Variants in MRTFA observed in about 807,000 individuals in gnomAD.
The protein encoded by MRTFA is myocardin-related transcription factor A.
A neutral mutation model predicts 83.5 loss-of-function variants in MRTFA; 20 were observed. That is an observed-to-expected ratio of 0.24 (90% CI 0.17 to 0.35). MRTFA has a LOEUF of 0.35. Ranked by LOEUF, MRTFA falls within the 10% of genes least tolerant of loss-of-function variation. The pLI, the probability that MRTFA is intolerant of heterozygous loss-of-function variation, is 1.00. For missense variants in MRTFA, 1,200 were observed against 1,224.7 expected (o/e 0.98, Z 0.30); for synonymous variants, 659 against 541.2 (o/e 1.22, Z -3.02).
At chr22:40,630,965 G>A (rs752806854) in intron 1 of MRTFA, among the ~76,000 whole-genome samples, 2 of 152,186 alleles carry the variant, frequency 1.3e-5, no homozygotes, top group African/African-American at 2.4e-5. Flanking sequence ...TAGCTCTTGT[G>A]AAGCACATGC....
intron 3 of MRTFA, among the ~76,000 whole-genome samples, chr22:40,488,772 G>A (rs1269230518): frequency 6.6e-6 from 1 of 152,150 alleles, no homozygotes; most frequent in African/African-American, 2.4e-5. Context: ...CATGGAAGTT[G>A]CAGTGAGCCA....
At chr22:40,541,427 C>T (rs1202024737) in intron 3 of MRTFA, among the ~76,000 whole-genome samples, 4 of 152,176 alleles carry the variant, frequency 2.6e-5, no homozygotes, top group African/African-American at 7.2e-5. Flanking sequence ...ATGTCATGGG[C>T]TCCAACCACT....
chr22:40,430,588 G>A (rs2053047825), intron 6 of MRTFA, among the ~76,000 whole-genome samples: 1 of 151,948 alleles, frequency 6.6e-6, no homozygotes, highest in Admixed American at 6.6e-5. Flanking sequence ...GCTATGCGCA[G>A]TGGCTCACAT....
At position 40,482,610 on chromosome 22, in the gene MRTFA, G is replaced by A. The variant is rs187748352; in HGVS notation, c.242-19324C>T. ...TTAGCACTTTTAGGTAGGGCCATCTGAACACTCCCTTCCAAAGTTAAAGGC... is the reference window on the plus strand; with the variant it reads ...TTAGCACTTTTAGGTAGGGCCATCTAAACACTCCCTTCCAAAGTTAAAGGC... On this transcript the variant is annotated intron_variant, in intron 3 of 14. Transcript: ENST00000355630. Among the ~76,000 whole-genome samples the A allele has an allele frequency of 1.6e-3, 246 of 152,222 alleles. 3 individuals carry two copies. Among genetic ancestry groups the A allele is most frequent in the South Asian group, 0.012 (58 of 4,822 alleles).
At chr22:40,595,165 G>A (rs1350897336) in intron 1 of MRTFA, among the ~76,000 whole-genome samples, 1 of 148,212 alleles carries the variant, frequency 6.7e-6, no homozygotes, top group Non-Finnish European at 1.5e-5. Flanking sequence ...CTGTCGCCGG[G>A]CTGGAATGCA....
chr22:40,565,323 G>A (rs976061834), intron 2 of MRTFA, among the ~76,000 whole-genome samples: 35 of 152,262 alleles, frequency 2.3e-4, no homozygotes, highest in African/African-American at 8.4e-4. Flanking sequence ...AAGGCGGGAG[G>A]ACCACTTGAG....
intron 3 of MRTFA, among the ~76,000 whole-genome samples, chr22:40,534,410 T>C (rs557606824): frequency 2.6e-5 from 4 of 152,244 alleles, no homozygotes; most frequent in Non-Finnish European, 5.9e-5. Flanking sequence ...ATATTAGACA[T>C]ACGGTCTGTG....
chr22:40,470,770 G>A (rs1205493604), intron 3 of MRTFA, among the ~76,000 whole-genome samples: 1 of 149,766 alleles, frequency 6.7e-6, no homozygotes, highest in Non-Finnish European at 1.5e-5. Context: ...CCAATATGGT[G>A]AAACCCTGTC....
chr22:40,587,958 C>A, intron 2 of MRTFA: 1 of 357,572 alleles, frequency 2.8e-6, no homozygotes. Context: ...GATGACTCCC[C>A]TTTTTCAGAG....
intron 2 of MRTFA, among the ~76,000 whole-genome samples, chr22:40,591,272 G>A (rs776025621): frequency 1.2e-4 from 18 of 145,766 alleles, no homozygotes; most frequent in Admixed American, 3.4e-4. Flanking sequence ...GCGAGACTCC[G>A]TCTCAAAAAA....
rs571458501 is a variant in MRTFA at position 40,590,106 on chromosome 22, C to T, written c.-22+4568G>A. ...TTCATTTTTTTGCATTTTTTGCATA[C>T]TGTCTTCCACATAATACTCAATTTT... is the stretch of plus-strand genomic sequence containing the variant. On this transcript the variant is annotated intron_variant, in intron 2 of 14. Coordinates refer to ENST00000355630, the MANE Select transcript of MRTFA (RefSeq NM_020831.6). Among the ~76,000 whole-genome samples, 7 of 151,496 alleles carry T rather than the reference C, an allele frequency of 4.6e-5. No individual in the cohort carries two copies. The East Asian group carries it at 1.2e-3, about 25-fold the overall frequency.
chr22:40,586,857 C>T (rs1238698949), intron 2 of MRTFA: 2 of 409,944 alleles, frequency 4.9e-6, no homozygotes, highest in African/African-American at 2.1e-5. Flanking sequence ...TTGACTGCAA[C>T]CCCCTTTCTC....
chr22:40,465,649 G>A (rs770541909), intron 3 of MRTFA, among the ~76,000 whole-genome samples: 3 of 152,010 alleles, frequency 2.0e-5, no homozygotes, highest in Non-Finnish European at 4.4e-5. Flanking sequence ...AGGCCTTGAC[G>A]TCCCTGGCTC....
In MRTFA at chr22:40,416,383, G is replaced by C. The variant is rs986954473; in HGVS notation, c.2578+603C>G. 6.6e-6 allele frequency among the ~76,000 whole-genome samples: 1 copy of C among 152,220 alleles called. No individual in the cohort carries two copies. The highest frequency in any genetic ancestry group is 2.4e-5 in the African/African-American group (1 of 41,462). On this transcript the variant is annotated intron_variant, in intron 14 of 14. Transcript: ENST00000355630. The surrounding 1 kb of genome is among the most constrained non-coding windows in gnomAD (Gnocchi z 4.2). ...GCCCTTGCACGGCTACTATCGCCTG[G>C]GTCCTGCATCAGACCAGGCCTTTTC...
intron 3 of MRTFA, among the ~76,000 whole-genome samples, chr22:40,511,538 G>A (rs999587760): frequency 6.6e-6 from 1 of 152,188 alleles, no homozygotes; most frequent in African/African-American, 2.4e-5. Context: ...GACGGGGAAA[G>A]GCAGTCACCT....
intron 12 of MRTFA, among the ~76,000 whole-genome samples, 173 bp downstream of exon 12, chr22:40,418,201 T>C (rs181975219): frequency 1.8e-4 from 27 of 152,318 alleles, no homozygotes; most frequent in African/African-American, 6.5e-4. Context: ...CTAGGGGGTC[T>C]GAGGCAGGTC....
At chr22:40,531,262 CTTTTTT>C (rs397868211) in intron 3 of MRTFA, among the ~76,000 whole-genome samples, 4 of 108,110 alleles carry the variant, frequency 3.7e-5, no homozygotes, top group African/African-American at 1.4e-4. Flanking sequence ...TCATACCTGG[CTTTTTT>C]TTTTTTTTTT....
intron 12 of MRTFA, chr22:40,417,809 C>G (rs1406102780): frequency 5.9e-6 from 2 of 337,198 alleles, no homozygotes. Context: ...GTCTCCTATC[C>G]TGAGGTACCT....
intron 2 of MRTFA, among the ~76,000 whole-genome samples, chr22:40,580,626 G>GT (rs1416487048): frequency 6.6e-6 from 1 of 152,214 alleles, no homozygotes; most frequent in African/African-American, 2.4e-5. Context: ...AATATTGGAA[G>GT]TAAGTTGAAA....
Sources: allele counts gnomAD v4.1 joint callset (sites outside exome capture counted in the v4.1 genomes callset), GRCh38; gene constraint gnomAD v4.1.1; non-coding constraint Gnocchi (gnomAD v3.1); transcripts MANE v1.5; gene names NCBI Gene and HGNC (gene_info 2026-07-23, HGNC 2026-07-21).